The following ITPR1 variants were observed in gnomAD, a reference collection of about 807,000 sequenced individuals.
ITPR1 encodes inositol 1,4,5-trisphosphate receptor type 1, also known as inositol 1,4,5-trisphosphate-gated calcium channel ITPR1.
ITPR1 carries 96 observed loss-of-function variants against 318.4 expected under a neutral mutation model. That is an observed-to-expected ratio of 0.30 (90% CI 0.26 to 0.36). The LOEUF (loss-of-function observed/expected upper bound fraction) is 0.36. Among genes scored for constraint, ITPR1 ranks in the 10% least tolerant of loss-of-function variants. ITPR1 has a pLI of 1.00. For missense variants in ITPR1, 2,440 were observed against 3,460.2 expected (o/e 0.71, Z 7.40); for synonymous variants, 1,312 against 1,289.9 (o/e 1.02, Z -0.37).
intron 60 of ITPR1, 108 bp from the exon 61 acceptor site, chr3:4,836,666 T>C: frequency 9.1e-7 from 1 of 1,104,234 alleles, no homozygotes; most frequent in Non-Finnish European, 1.2e-6. Context: ...GGAGATAACC[T>C]AATGAGAGTT....
chr3:4,782,709 G>A lies in ITPR1; in HGVS notation c.6478G>A (p.Val2160Met), dbSNP rs1016680550. 1.3e-6 allele frequency: 2 copies of A among 1,590,802 alleles called. No homozygotes were observed. Among genetic ancestry groups the A allele is most frequent in the Non-Finnish European group, 8.6e-7 (1 of 1,167,998 alleles). ...GGATGGGGCGGCGTCCCCCAGGAAC[G>A]TGGGGCACAACATCTACATATTAGC... ...GEDGAASPRN[V>M]GHNIYILAHQ... Residue 2160 changes from valine (V) to methionine (M), a missense_variant, in exon 50 of 62, where the codon GTG (valine) becomes ATG (methionine). Transcript: ENST00000649015.
chr3:4,782,861 C>G, intron 50 of ITPR1, 120 bp downstream of exon 50: 1 of 927,824 alleles, frequency 1.1e-6, no homozygotes, highest in Admixed American at 4.1e-5. Context: ...TGTCTGTACT[C>G]ATGAGCCTGC....
chr3:4,514,534 C>G (rs943764007), intron 2 of ITPR1, among the ~76,000 whole-genome samples: 1 of 152,136 alleles, frequency 6.6e-6, no homozygotes, highest in Non-Finnish European at 1.5e-5. Flanking sequence ...CAGGCATTTT[C>G]TGGCCTAGTC....
intron 30 of ITPR1, among the ~76,000 whole-genome samples, chr3:4,687,389 TA>T (rs2094412443): frequency 6.6e-6 from 1 of 152,220 alleles, no homozygotes; most frequent in African/African-American, 2.4e-5. Context: ...GCACTTTTGT[TA>T]TCTCCTTTTC....
intron 42 of ITPR1, among the ~76,000 whole-genome samples, chr3:4,728,327 A>T (rs767363950): frequency 6.6e-6 from 1 of 152,226 alleles, no homozygotes; most frequent in Non-Finnish European, 1.5e-5. Flanking sequence ...TCCGCATTTC[A>T]CAAGTAGGAC....
At chr3:4,691,673 C>T (rs1350070502) in intron 32 of ITPR1, among the ~76,000 whole-genome samples, 1 of 152,150 alleles carries the variant, frequency 6.6e-6, no homozygotes, top group African/African-American at 2.4e-5. Context: ...CGCTTCCATT[C>T]TTGTGGATTA....
At chr3:4,605,748 A>G (rs2091657598) in intron 4 of ITPR1, among the ~76,000 whole-genome samples, 1 of 152,166 alleles carries the variant, frequency 6.6e-6, no homozygotes, top group South Asian at 2.1e-4. Context: ...TGTAAGAAAA[A>G]ATGACCATGA....
chr3:4,711,508 T>C, intron 38 of ITPR1: 1 of 396,378 alleles, frequency 2.5e-6, no homozygotes, highest in Non-Finnish European at 4.6e-6. Context: ...CCATATAATC[T>C]CTCCATTGTA....
intron 31 of ITPR1, among the ~76,000 whole-genome samples, chr3:4,690,387 A>G (rs1357970587): frequency 6.6e-6 from 1 of 152,208 alleles, no homozygotes; most frequent in Non-Finnish European, 1.5e-5. Flanking sequence ...ACATGATTAG[A>G]CATCAGAGAA....
At chr3:4,757,873 C>T (rs35689220) in intron 44 of ITPR1, among the ~76,000 whole-genome samples, 21,439 of 152,174 alleles carry the variant, frequency 0.14, 1,725 homozygotes, top group Middle Eastern at 0.22. Flanking sequence ...TAAGCCCCAC[C>T]TCTTGGTAGC....
intron 2 of ITPR1, among the ~76,000 whole-genome samples, chr3:4,499,664 C>T (rs937278728): frequency 2.0e-5 from 3 of 151,982 alleles, no homozygotes; most frequent in Admixed American, 6.6e-5. Flanking sequence ...TTGTTGTTAT[C>T]GAAGAAACTG....
chr3:4,676,463 C>A (rs1299947353), intron 23 of ITPR1, 151 bp from the exon 24 acceptor site: 1 of 588,236 alleles, frequency 1.7e-6, no homozygotes, highest in Non-Finnish European at 2.9e-6. Context: ...TTTTGATGTG[C>A]ATTTACCTTT....
At chr3:4,580,913 G>A (rs1431723078) in intron 4 of ITPR1, among the ~76,000 whole-genome samples, 6 of 152,100 alleles carry the variant, frequency 3.9e-5, no homozygotes, top group South Asian at 4.2e-4. Flanking sequence ...TTTCCATCTC[G>A]GAGCAGCCAA....
At chr3:4,634,195 G>T (rs988816681) in intron 5 of ITPR1, among the ~76,000 whole-genome samples, 1 of 152,030 alleles carries the variant, frequency 6.6e-6, no homozygotes, top group Non-Finnish European at 1.5e-5. Context: ...GTAATGAAAA[G>T]GTAACACATT....
intron 4 of ITPR1, among the ~76,000 whole-genome samples, chr3:4,614,986 C>T (rs938533611): frequency 1.2e-4 from 18 of 152,148 alleles, no homozygotes; most frequent in African/African-American, 4.3e-4. Context: ...CTAACATAAG[C>T]CCAAAAGGAA....
At chr3:4,579,628 C>T (rs1479905701) in intron 4 of ITPR1, among the ~76,000 whole-genome samples, 2 of 152,126 alleles carry the variant, frequency 1.3e-5, no homozygotes, top group African/African-American at 4.8e-5. Flanking sequence ...AAACAAAAAG[C>T]CTGTTACGGA....
rs139663759 is a variant in ITPR1, at chr3:4,801,526, G to A, written c.7107+926G>A. Among the ~76,000 whole-genome samples the A allele has an allele frequency of 2.0e-5, 3 of 152,264 alleles. 1 individual carries two copies. The highest frequency in any genetic ancestry group is 7.2e-5 in the African/African-American group (3 of 41,546). On this transcript the variant is annotated intron_variant, in intron 54 of 61. Coordinates refer to ENST00000649015, the MANE Select transcript of ITPR1 (RefSeq NM_001378452.1). ...CATCTATAATCCCAGCACTTTGGGAGGCCAGGGTGAGCAGATCACTTGAGA... is the reference window on the plus strand; with the variant it reads ...CATCTATAATCCCAGCACTTTGGGAAGCCAGGGTGAGCAGATCACTTGAGA...
intron 49 of ITPR1, among the ~76,000 whole-genome samples, chr3:4,781,591 G>A (rs1404036794): frequency 6.6e-6 from 1 of 152,196 alleles, no homozygotes; most frequent in Non-Finnish European, 1.5e-5. Flanking sequence ...TCGTGCGGCT[G>A]TGAAGGGTAA....
At position 4,768,674 on chromosome 3, in the gene ITPR1, C is replaced by T. The variant is rs377489220; in HGVS notation, c.5889C>T (p.Asp1963=). 2.9e-4 allele frequency: 469 copies of T among 1,613,948 alleles called. 2 individuals carry two copies. The African/African-American group carries it at 4.2e-3, about 14-fold the overall frequency. Residue 1963 remains aspartate (D), a synonymous_variant, in exon 46 of 62, where the codon GAC becomes GAT. Transcript: ENST00000649015. The stretch of plus-strand genomic sequence containing the variant: ...AGGCCACTGCCGACAAGGCCAAGGA[C>T]GACCTGGAGATGAGCGCGGTCATCA... ...GTQATADKAK[D]DLEMSAVITI...
Sources: gnomAD v4.1 joint callset for allele counts (sites outside exome capture counted in the v4.1 genomes callset) on GRCh38, gnomAD v4.1.1 for gene constraint, MANE v1.5 for transcripts, NCBI Gene and HGNC (gene_info 2026-07-23, HGNC 2026-07-21) for gene names.